The following SLC7A14 variants were observed in gnomAD, a reference collection of about 807,000 sequenced individuals.
SLC7A14 encodes gamma-aminobutyric acid transporter SLC7A14.
Under a neutral mutation model 60.2 loss-of-function variants are expected in SLC7A14, and 37 were observed. That is an observed-to-expected ratio of 0.61 (90% CI 0.47 to 0.81). The LOEUF (loss-of-function observed/expected upper bound fraction) is 0.81, where lower values mean the gene tolerates loss of function less well. SLC7A14 is among the 30% of genes least tolerant of loss of function. The pLI is 0.00. For missense variants in SLC7A14, 886 were observed against 982.7 expected, an observed-to-expected ratio of 0.90 and a Z score of 1.32; for synonymous variants, 399 against 395.8, an observed-to-expected ratio of 1.01 and a Z score of -0.10.
intron 1 of SLC7A14, among the ~76,000 whole-genome samples, chr3:170,531,667 A>G (rs545509074): frequency 2.0e-5 from 3 of 152,224 alleles, no homozygotes; most frequent in Admixed American, 1.3e-4. Context: ...GGCAATATCC[A>G]TATTCATTAC....
intron 7 of SLC7A14, among the ~76,000 whole-genome samples, chr3:170,469,253 C>T (rs1474308999): frequency 6.6e-6 from 1 of 152,126 alleles, no homozygotes; most frequent in South Asian, 2.1e-4. Context: ...AGAAATCTTG[C>T]TCTCTTTTGA....
chr3:170,527,198 G>T, intron 1 of SLC7A14, 110 bp from the exon 2 acceptor site: 1 of 512,010 alleles, frequency 2.0e-6, no homozygotes, highest in Non-Finnish European at 3.5e-6. Flanking sequence ...TGGTCTACCC[G>T]TGTGCTCATA....
chr3:170,502,661 C>A (rs1712652348), intron 2 of SLC7A14: 1 of 152,180 alleles, frequency 6.6e-6, no homozygotes, highest in Admixed American at 6.5e-5. Context: ...AACCAGGGAA[C>A]AATAGTTCAC....
At chr3:170,495,150 C>T (rs369947076) in intron 4 of SLC7A14, among the ~76,000 whole-genome samples, 17 of 152,082 alleles carry the variant, frequency 1.1e-4, no homozygotes, top group African/African-American at 3.6e-4. Flanking sequence ...TATTGACAAC[C>T]GTAACAAGCT....
intron 1 of SLC7A14, among the ~76,000 whole-genome samples, chr3:170,575,382 G>C (rs1334161891): frequency 1.3e-5 from 2 of 152,196 alleles, no homozygotes; most frequent in African/African-American, 4.8e-5. Context: ...GGCAGGGGAG[G>C]ATGTGTGTGG....
chr3:170,514,585 C>G (rs1205237322), intron 2 of SLC7A14, among the ~76,000 whole-genome samples: 1 of 152,196 alleles, frequency 6.6e-6, no homozygotes, highest in Non-Finnish European at 1.5e-5. Context: ...TAAGGCATAG[C>G]CTTGTTAAAG....
intron 1 of SLC7A14, among the ~76,000 whole-genome samples, chr3:170,572,127 A>C (rs1714975771): frequency 6.6e-6 from 1 of 152,116 alleles, no homozygotes; most frequent in South Asian, 2.1e-4. Context: ...TCCCATACCA[A>C]ATCTGTGAAC....
At chr3:170,563,717 G>A (rs944422761) in intron 1 of SLC7A14, among the ~76,000 whole-genome samples, 1 of 152,068 alleles carries the variant, frequency 6.6e-6, no homozygotes, top group Admixed American at 6.6e-5. Context: ...CACCGCGCCC[G>A]GCCCAACAAA....
At position 170,467,281 on chromosome 3, in the gene SLC7A14, T is replaced by TCGTTGGTCATCCA; in HGVS notation, c.2089_2090insTGGATGACCAACG (p.Asp697ValfsTer8). On this transcript the variant is annotated frameshift_variant, in exon 8 of 8. Transcript: ENST00000231706. LOFTEE classifies it high-confidence loss of function. The stretch of plus-strand genomic sequence containing the variant: ...CTCCACTGAGAAGGGGTCATCCACG[T>TCGTTGGTCATCCA]CGTAGCGTTGGTACGTGCTTTGGTG... 5 of 1,614,238 alleles carry TCGTTGGTCATCCA rather than the reference T, an allele frequency of 3.1e-6. No individual in the cohort carries two copies. Among genetic ancestry groups the TCGTTGGTCATCCA allele is most frequent in the Non-Finnish European group, 4.2e-6 (5 of 1,180,042 alleles).
intron 2 of SLC7A14, among the ~76,000 whole-genome samples, chr3:170,526,007 G>T (rs190471312): frequency 7.6e-4 from 116 of 152,150 alleles, no homozygotes; most frequent in African/African-American, 2.4e-3. Context: ...AACCCGGGAG[G>T]TGGAGGTTGC....
chr3:170,526,878 T>C lies in SLC7A14; in HGVS notation c.59A>G (p.Tyr20Cys). ...PRRVQWGAAW[Y>C]AMHSRILRTK... The stretch of plus-strand genomic sequence containing the variant: ...GCGTAGGATCCTGGAGTGCATTGCA[T>C]ACCAGGCAGCTCCCCACTGCACCCG... Residue 20 changes from tyrosine (Y) to cysteine (C), a missense_variant, in exon 2 of 8, where the codon TAT becomes TGT. Tyr to Cys is a radical substitution (Grantham distance 194). Transcript: ENST00000231706. 1.9e-6 allele frequency: 3 copies of C among 1,613,962 alleles called. No individual in the cohort carries two copies. Among genetic ancestry groups the C allele is most frequent in the Non-Finnish European group, 2.5e-6 (3 of 1,179,956 alleles).
At chr3:170,520,165 G>A (rs1346140545) in intron 2 of SLC7A14, among the ~76,000 whole-genome samples, 2 of 152,148 alleles carry the variant, frequency 1.3e-5, no homozygotes, top group Non-Finnish European at 2.9e-5. Flanking sequence ...CATTCCTTAC[G>A]CTGTCACCTC....
intron 2 of SLC7A14, among the ~76,000 whole-genome samples, chr3:170,522,341 A>G (rs1039521020): frequency 3.9e-5 from 6 of 152,222 alleles, no homozygotes; most frequent in Non-Finnish European, 8.8e-5. Flanking sequence ...ACATGTAAAT[A>G]CTTGCAGTGA....
At chr3:170,561,802 A>C (rs919303025) in intron 1 of SLC7A14, among the ~76,000 whole-genome samples, 2 of 152,214 alleles carry the variant, frequency 1.3e-5, no homozygotes, top group African/African-American at 2.4e-5. Flanking sequence ...AAGAAAAAAA[A>C]CAAACTATCC....
At chr3:170,508,776 G>T (rs906857189) in intron 2 of SLC7A14, among the ~76,000 whole-genome samples, 1 of 152,192 alleles carries the variant, frequency 6.6e-6, no homozygotes, top group African/African-American at 2.4e-5. Context: ...TGTAGCTATT[G>T]TTGCTAGTCC....
chr3:170,580,467 G>T (rs1000676759), intron 1 of SLC7A14, among the ~76,000 whole-genome samples: 1 of 152,170 alleles, frequency 6.6e-6, no homozygotes. Context: ...TATGTTTATT[G>T]TTAAAGCTAG....
intron 1 of SLC7A14, chr3:170,570,092 G>C (rs1006312038): frequency 4.6e-5 from 7 of 151,944 alleles, no homozygotes; most frequent in African/African-American, 1.7e-4. Flanking sequence ...TGATTTTTTG[G>C]TTTGTTTTTG....
At chr3:170,508,011 C>T (rs1031921744) in intron 2 of SLC7A14, among the ~76,000 whole-genome samples, 9 of 152,136 alleles carry the variant, frequency 5.9e-5, no homozygotes, top group African/African-American at 1.9e-4. Flanking sequence ...TCTGAAGCTG[C>T]GTATTCAATT....
intron 1 of SLC7A14, among the ~76,000 whole-genome samples, chr3:170,530,519 A>G (rs1160494555): frequency 6.6e-6 from 1 of 152,224 alleles, no homozygotes; most frequent in Non-Finnish European, 1.5e-5. Context: ...CAGAGGTCAG[A>G]CTGCCAGGGG....
Sources: gnomAD v4.1 joint callset for allele counts (sites outside exome capture counted in the v4.1 genomes callset) on GRCh38, gnomAD v4.1.1 for gene constraint, MANE v1.5 for transcripts, NCBI Gene and HGNC (gene_info 2026-07-23, HGNC 2026-07-21) for gene names.